The following GOPC variants were observed in gnomAD, a reference collection of about 807,000 sequenced individuals.
GOPC encodes the protein golgi associated PDZ and coiled-coil motif containing.
In GOPC, 32 loss-of-function variants were observed where a neutral mutation model predicts 51.2. That is an observed-to-expected ratio of 0.63 (90% CI 0.47 to 0.84). The LOEUF (loss-of-function observed/expected upper bound fraction) is 0.84, where lower values mean the gene tolerates loss of function less well. GOPC is among the 40% of genes least tolerant of loss of function. The pLI, the probability that GOPC is intolerant of heterozygous loss-of-function variation, is 0.00. For synonymous variants in GOPC, 190 were observed against 205.1 expected (o/e 0.93, Z 0.63); for missense variants, 441 against 555.5 (o/e 0.79, Z 2.07).
chr6:117,577,416 A>C (rs1199746710), intron 3 of GOPC, 32 bp downstream of exon 3: 1 of 1,590,038 alleles, frequency 6.3e-7, no homozygotes, highest in Non-Finnish European at 8.6e-7. Flanking sequence ...TCAGCGTGAC[A>C]TATTAAAGCA....
intron 1 of GOPC, among the ~76,000 whole-genome samples, chr6:117,589,175 C>G (rs1246320991): frequency 1.3e-5 from 2 of 152,130 alleles, no homozygotes; most frequent in Admixed American, 1.3e-4. Context: ...GTTAGACAAG[C>G]TTGAGATAGA....
At chr6:117,565,594 C>T (rs542009066) in intron 8 of GOPC, among the ~76,000 whole-genome samples, 13 of 152,210 alleles carry the variant, frequency 8.5e-5, no homozygotes, top group African/African-American at 2.9e-4. Flanking sequence ...TTTACTGTAT[C>T]AAAAAATCAC....
rs1583069461 is a variant in GOPC at position 117,602,497 on chromosome 6, G to C, written c.-209C>G. On this transcript the variant is annotated 5_prime_UTR_variant, in exon 1 of 9. Transcript: ENST00000368498. ...GCGGCAACGGCGGCGACACACGGAA[G>C]ACTCAGTCAGTCCCACCTCCCAGCC... 6.8e-6 allele frequency: 4 copies of C among 589,622 alleles called. No homozygotes were observed. In the East Asian group the frequency reaches 8.6e-5, roughly 13 times the overall value. 36.5% of individuals were successfully genotyped at this position (589,622 alleles called of 1,614,324 possible).
At chr6:117,596,002 T>C (rs904574804) in intron 1 of GOPC, among the ~76,000 whole-genome samples, 1 of 152,240 alleles carries the variant, frequency 6.6e-6, no homozygotes, top group African/African-American at 2.4e-5. Context: ...GTTGGTGGTT[T>C]ACATTCCCAC....
At chr6:117,567,724 T>C (rs184701384) in intron 7 of GOPC, among the ~76,000 whole-genome samples, 2 of 152,044 alleles carry the variant, frequency 1.3e-5, no homozygotes, top group Admixed American at 1.3e-4. Context: ...CTCTTTTACA[T>C]GAACGAGAAA....
chr6:117,599,538 A>G (rs921887030), intron 1 of GOPC, among the ~76,000 whole-genome samples: 1 of 152,244 alleles, frequency 6.6e-6, no homozygotes, highest in African/African-American at 2.4e-5. Flanking sequence ...ATTAACATCA[A>G]AGACAAACAA....
chr6:117,598,478 C>A (rs1040290896), intron 1 of GOPC, among the ~76,000 whole-genome samples: 2 of 152,114 alleles, frequency 1.3e-5, no homozygotes, highest in Non-Finnish European at 2.9e-5. Context: ...GTTAACACAG[C>A]GGTCACCAAT....
chr6:117,599,817 GAC>G (rs1302849016), intron 1 of GOPC, among the ~76,000 whole-genome samples: 1 of 152,018 alleles, frequency 6.6e-6, no homozygotes, highest in African/African-American at 2.4e-5. Flanking sequence ...AATATTTAAA[GAC>G]AAAAAAAATG....
intron 4 of GOPC, 72 bp downstream of exon 4, chr6:117,575,105 G>GA: frequency 8.4e-7 from 1 of 1,188,138 alleles, no homozygotes; most frequent in South Asian, 1.5e-5. Flanking sequence ...AAAAAAGAAA[G>GA]AAGTAAGAGT....
chr6:117,602,103 G>T lies in GOPC; in HGVS notation c.186C>A (p.Ile62=), dbSNP rs779095501. ...LGEIDPDQAD[I]TYEGRQKMTS... ...TCATCTTCTGTCGCCCCTCATAAGT[G>T]ATGTCCGCTTGGTCTGGATCGATCT... Residue 62 remains isoleucine, a synonymous_variant, in exon 1 of 9, where the codon ATC becomes ATA. Transcript: ENST00000368498. 1 of 1,614,154 alleles carries T rather than the reference G, an allele frequency of 6.2e-7. No individual in the cohort carries two copies. Among genetic ancestry groups the T allele is most frequent in the African/African-American group, 1.3e-5 (1 of 75,028 alleles).
intron 8 of GOPC, among the ~76,000 whole-genome samples, chr6:117,566,360 T>C (rs760495074): frequency 6.6e-6 from 1 of 152,170 alleles, no homozygotes; most frequent in Non-Finnish European, 1.5e-5. Context: ...TGCTAGAGTT[T>C]TTCCTTAAAA....
At position 117,602,369 on chromosome 6, in the gene GOPC, A is replaced by G; in HGVS notation, c.-81T>C. 1 of 1,397,062 alleles carries G rather than the reference A, an allele frequency of 7.2e-7. No individual in the cohort carries two copies. Among genetic ancestry groups the G allele is most frequent in the Non-Finnish European group, 9.4e-7 (1 of 1,062,906 alleles). The allele number at this position is 1,397,062 out of a possible 1,614,324, so 86.5% of individuals were successfully genotyped here. On this transcript the variant is annotated 5_prime_UTR_variant, in exon 1 of 9. Transcript: ENST00000368498. ...GAAGGGAACTGCTGGGACTGAGGGG[A>G]CCCCCGCGCGCGCGGGCACACTCCG... is the stretch of plus-strand genomic sequence containing the variant.
At chr6:117,584,888 T>C (rs536141156) in intron 1 of GOPC, among the ~76,000 whole-genome samples, 7 of 151,684 alleles carry the variant, frequency 4.6e-5, no homozygotes, top group Non-Finnish European at 8.8e-5. Flanking sequence ...CCCACCTTAC[T>C]CTTGCTTCTT....
At chr6:117,589,762 A>C (rs931105071) in intron 1 of GOPC, among the ~76,000 whole-genome samples, 1 of 152,338 alleles carries the variant, frequency 6.6e-6, no homozygotes, top group African/African-American at 2.4e-5. Context: ...CCAATCAATA[A>C]AAAATGTTTC....
chr6:117,563,657 G>A (rs910656326), intron 8 of GOPC, among the ~76,000 whole-genome samples: 2 of 151,914 alleles, frequency 1.3e-5, no homozygotes, highest in South Asian at 4.1e-4. Flanking sequence ...AGGAAGTGGA[G>A]GTTGCAGTGA....
At chr6:117,594,056 G>A (rs961707519) in intron 1 of GOPC, among the ~76,000 whole-genome samples, 2 of 152,074 alleles carry the variant, frequency 1.3e-5, no homozygotes, top group Non-Finnish European at 2.9e-5. Flanking sequence ...TCATATCTGA[G>A]GCTACGAACT....
rs927882127 is a variant in GOPC at position 117,569,556 on chromosome 6, C to A, written c.1077+16G>T. The A allele has an allele frequency of 1.2e-6, 2 of 1,611,074 alleles. No homozygotes were observed. The highest frequency in any genetic ancestry group is 2.7e-5 in the African/African-American group (2 of 74,772). On this transcript the variant is annotated intron_variant, in intron 7 of 8. Transcript: ENST00000368498. ...CAATTGATAGATCCAGTTCTAATTA[C>A]ATGAAGGGAATTTACCTGCTGAGAA...
At chr6:117,571,411 G>A (rs1038085724) in intron 5 of GOPC, among the ~76,000 whole-genome samples, 3 of 152,052 alleles carry the variant, frequency 2.0e-5, no homozygotes, top group Non-Finnish European at 4.4e-5. Flanking sequence ...CTTAAATAAA[G>A]GGCCTTGATC....
chr6:117,601,124 A>G (rs1771999866), intron 1 of GOPC, among the ~76,000 whole-genome samples: 1 of 152,206 alleles, frequency 6.6e-6, no homozygotes, highest in African/African-American at 2.4e-5. Context: ...CTTTTTGAAA[A>G]GAAAGACCCA....
Sources: gnomAD v4.1 joint callset for allele counts (sites outside exome capture counted in the v4.1 genomes callset) on GRCh38, gnomAD v4.1.1 for gene constraint, MANE v1.5 for transcripts, NCBI Gene and HGNC (gene_info 2026-07-23, HGNC 2026-07-21) for gene names.